The following NCAPH2 variants were observed in gnomAD, a reference collection of about 807,000 sequenced individuals.
NCAPH2 encodes the protein condensin-2 complex subunit H2.
Under a neutral mutation model 88.6 loss-of-function variants are expected in NCAPH2, and 56 were observed. The observed-to-expected ratio is 0.63, with a 90% CI of 0.51 to 0.79. The LOEUF (loss-of-function observed/expected upper bound fraction) is 0.79. NCAPH2 is among the 30% of genes least tolerant of loss of function. The pLI is 0.00. For synonymous variants in NCAPH2, 378 were observed against 313.6 expected (o/e 1.21, Z -2.17); for missense variants, 794 against 792.0 (o/e 1.00, Z -0.03).
chr22:50,522,971 A>G (rs962074800), intron 18 of NCAPH2, 46 bp from the exon 19 acceptor site: 2 of 1,610,578 alleles, frequency 1.2e-6, no homozygotes, highest in Admixed American at 1.7e-5. Flanking sequence ...GGGTCTGTCC[A>G]GGGCCTTGCC....
rs143986871 is a variant in NCAPH2, at chr22:50,522,231, C to G, written c.1213C>G (p.Arg405Gly). ...THVKEQLETL[R>G]KLQRREVAEQ... ...CGTGAAGGAGCAGTTGGAAACTCTC[C>G]GGAAGCTGCAGAGGAGGGAGGCAAG... The change falls in exon 14 of 20, where the codon CGG becomes GGG. Residue 405 changes from arginine to glycine, a missense_variant. Arg to Gly is a moderately radical substitution (Grantham distance 125). This residue lies in a region of NCAPH2 where 735 missense variants were observed against 696.3 expected (regional missense o/e 1.06). Coordinates refer to ENST00000420993, the MANE Select transcript of NCAPH2 (RefSeq NM_152299.4). The G allele has an allele frequency of 1.2e-6, 2 of 1,613,784 alleles. No individual in the cohort carries two copies. The highest frequency in any genetic ancestry group is 3.3e-4 in the Middle Eastern group (2 of 6,058).
At chr22:50,519,423 C>T (rs1159260218) in intron 9 of NCAPH2, 103 bp downstream of exon 9, 2 of 1,499,546 alleles carry the variant, frequency 1.3e-6, no homozygotes, top group African/African-American at 2.8e-5. Context: ...ATGGCCTTGG[C>T]CCCAGACCAC....
Position 50,522,326 on chromosome 22 carries a change from A to G in NCAPH2, c.1234-17A>G. The G allele has an allele frequency of 6.2e-7, 1 of 1,603,788 alleles. No individual in the cohort carries two copies. On this transcript the variant is annotated splice_polypyrimidine_tract_variant and intron_variant, in intron 14 of 19. Coordinates refer to ENST00000420993, the MANE Select transcript of NCAPH2 (RefSeq NM_152299.4). ...TGGGAGGTGACAGTGCCCCTCACAG[A>G]TGCTTTCTCTGGACAGGTGGCTGAG... is the stretch of plus-strand genomic sequence containing the variant.
intron 1 of NCAPH2, among the ~76,000 whole-genome samples, chr22:50,512,223 A>C (rs541228933): frequency 6.6e-6 from 1 of 152,350 alleles, no homozygotes; most frequent in African/African-American, 2.4e-5. Flanking sequence ...GTGGACGTTA[A>C]AGTGTTTGTT....
At position 50,524,606 on chromosome 22, in the gene NCAPH2, C is replaced by A. The variant is rs1046976328; in HGVS notation, c.*1231C>A. 10 of 716,750 alleles carry A rather than the reference C, an allele frequency of 1.4e-5. No homozygotes were observed. The highest frequency in any genetic ancestry group is 2.3e-5 in the Non-Finnish European group (9 of 386,564). 44.4% of individuals were successfully genotyped at this position (716,750 alleles called of 1,614,324 possible). Reference sequence around the variant, plus strand: ...CCTCCACCAAACATCCACACCTGGGCAACCACACCTGTCACTCCTGTCCTC... The same window carrying A: ...CCTCCACCAAACATCCACACCTGGGAAACCACACCTGTCACTCCTGTCCTC... On this transcript the variant is annotated 3_prime_UTR_variant, in exon 20 of 20. Coordinates refer to ENST00000420993, the MANE Select transcript of NCAPH2 (RefSeq NM_152299.4).
intron 9 of NCAPH2, 110 bp downstream of exon 9, chr22:50,519,430 CCACTGGTCTGGGG>C: frequency 1.3e-6 from 2 of 1,487,746 alleles, no homozygotes; most frequent in South Asian, 2.7e-5. Flanking sequence ...TGGCCCCAGA[CCACTGGTCTGGGG>C]CAGAAGCCCA....
chr22:50,523,521 T>G lies in NCAPH2; in HGVS notation c.*146T>G. ...TGTACACCTGCGCAGAGAAGAGGGCTGCCTGGCCTCCCTGGGCCGCTGGTA... is the reference window on the plus strand; with the variant it reads ...TGTACACCTGCGCAGAGAAGAGGGCGGCCTGGCCTCCCTGGGCCGCTGGTA... On this transcript the variant is annotated 3_prime_UTR_variant, in exon 20 of 20. Transcript: ENST00000420993. The G allele has an allele frequency of 4.5e-6, 7 of 1,558,554 alleles. No individual in the cohort carries two copies. Among genetic ancestry groups the G allele is most frequent in the Non-Finnish European group, 6.1e-6 (7 of 1,146,762 alleles).
In NCAPH2 at chr22:50,522,481, A is replaced by T; in HGVS notation, c.1307-20A>T. 1 of 1,612,950 alleles carries T rather than the reference A, an allele frequency of 6.2e-7. No homozygotes were observed. The highest frequency in any genetic ancestry group is 8.5e-7 in the Non-Finnish European group (1 of 1,179,824). Reference sequence around the variant, plus strand: ...CCGACTAGCTGCCTGCGTGCTGTTCACTCTCCCACCTCCCAGCAGATGACT... The same window carrying T: ...CCGACTAGCTGCCTGCGTGCTGTTCTCTCTCCCACCTCCCAGCAGATGACT... On this transcript the variant is annotated intron_variant, in intron 15 of 19. Transcript: ENST00000420993.
rs910583115 is a variant in NCAPH2, at chr22:50,511,285, C to CTTTTTTT, written c.108+2856_108+2862dup. ...TCAAGCAGTTCTCCTGCCTCAGCCTCTTTTTTTTTTTTTTTTTTTTTTGAG... is the reference window on the plus strand; with the variant it reads ...TCAAGCAGTTCTCCTGCCTCAGCCTCTTTTTTTTTTTTTTTTTTTTTTTTTTTTTGAG... On this transcript the variant is annotated intron_variant, in intron 1 of 19. Transcript: ENST00000420993. Among the ~76,000 whole-genome samples, 282 of 109,654 alleles carry CTTTTTTT rather than the reference C, an allele frequency of 2.6e-3. 56 individuals carry two copies. Among genetic ancestry groups the CTTTTTTT allele is most frequent in the African/African-American group, 0.014 (270 of 19,784 alleles). 71.9% of individuals were successfully genotyped at this position (109,654 alleles called of 152,430 possible).
intron 3 of NCAPH2, 44 bp from the exon 4 acceptor site, chr22:50,517,533 C>CCCTGCAGCT (rs1161954178): frequency 1.2e-6 from 2 of 1,613,876 alleles, no homozygotes; most frequent in Middle Eastern, 1.6e-4. Context: ...CCAGGGAGGC[C>CCCTGCAGCT]CCTGCAGCTC....
intron 10 of NCAPH2, 142 bp from the exon 11 acceptor site, chr22:50,521,401 C>T (rs78574168): frequency 2.3e-6 from 1 of 437,994 alleles, no homozygotes; most frequent in Admixed American, 3.6e-5. Flanking sequence ...GGTGGCTGTG[C>T]ACCCCCTACT....
At chr22:50,510,874 T>C (rs1273609058) in intron 1 of NCAPH2, among the ~76,000 whole-genome samples, 1 of 151,352 alleles carries the variant, frequency 6.6e-6, no homozygotes, top group Non-Finnish European at 1.5e-5. Flanking sequence ...TGAGATGGAG[T>C]CTTACTCTGT....
chr22:50,522,505 C>T lies in NCAPH2; in HGVS notation c.1311C>T (p.Asp437=), dbSNP rs1261141102. Residue 437 remains aspartate, a synonymous_variant, in exon 16 of 20, where the codon GAC becomes GAT. Transcript: ENST00000420993. ...CACTCTCCCACCTCCCAGCAGATGA[C>T]TTTCTAGAGCCTGAGGAGTACATGG... The part of the protein sequence containing the change: ...DSLEDLGAAD[D]FLEPEEYMEP... 1 of 1,613,662 alleles carries T rather than the reference C, an allele frequency of 6.2e-7. No homozygotes were observed. Among genetic ancestry groups the T allele is most frequent in the South Asian group, 1.1e-5 (1 of 91,078 alleles).
In NCAPH2 at chr22:50,519,299, G is replaced by A; in HGVS notation, c.840G>A (p.Lys280=). The A allele has an allele frequency of 6.2e-7, 1 of 1,607,672 alleles. No individual in the cohort carries two copies. The highest frequency in any genetic ancestry group is 1.7e-4 in the Middle Eastern group (1 of 5,864). Reference sequence around the variant, plus strand: ...CCCCCAAGGCCGCTCTGGAGCCCAAGGAGTCCAGGAGCCCGCAGCAGGTGG... The same window carrying A: ...CCCCCAAGGCCGCTCTGGAGCCCAAAGAGTCCAGGAGCCCGCAGCAGGTGG... ...ASAPKAALEP[K]ESRSPQQSAA... is the part of the protein sequence containing the mutation. The change falls in exon 9 of 20, where the codon AAG becomes AAA. Residue 280 remains lysine (K), a synonymous_variant. Transcript: ENST00000420993.
Position 50,508,354 on chromosome 22 carries a change from C to T in NCAPH2, c.17C>T (p.Ala6Val), listed in dbSNP as rs2068683020. 1.3e-6 allele frequency: 2 copies of T among 1,481,714 alleles called. No homozygotes were observed. Among genetic ancestry groups the T allele is most frequent in the Non-Finnish European group, 1.8e-6 (2 of 1,120,366 alleles). 91.8% of individuals were successfully genotyped at this position (1,481,714 alleles called of 1,614,324 possible). A position where few individuals can be genotyped will look rare whatever the true frequency, so the allele number is the denominator to read the frequency against. The change falls in exon 1 of 20, where the codon GCG (alanine) becomes GTG (valine). Residue 6 changes from alanine to valine, a missense_variant. Physicochemically the swap from Ala to Val is moderately conservative, Grantham distance 64. Coordinates refer to ENST00000420993, the MANE Select transcript of NCAPH2 (RefSeq NM_152299.4). ...CTCCCGGACATGGAGGACGTGGAGG[C>T]GCGCTTCGCCCACCTCTTGCAGCCC... Reference protein sequence around the residue: MEDVEARFAHLLQPIR... With the variant: MEDVEVRFAHLLQPIR...
chr22:50,512,544 T>G (rs1417212978), intron 1 of NCAPH2, among the ~76,000 whole-genome samples: 2 of 81,978 alleles, frequency 2.4e-5, no homozygotes, highest in Admixed American at 1.6e-4. Context: ...TTGTCCTTTG[T>G]TTTTTTTTTT....
chr22:50,524,347 A>C lies in NCAPH2; in HGVS notation c.*972A>C. On this transcript the variant is annotated 3_prime_UTR_variant, in exon 20 of 20. Coordinates refer to ENST00000420993, the MANE Select transcript of NCAPH2 (RefSeq NM_152299.4). ...GGCCTGGCCTCCCAGGGTCCCAGGG[A>C]GGACCCGAGGCTTGAGCTGAGAGAG... 1 of 1,601,902 alleles carries C rather than the reference A, an allele frequency of 6.2e-7. No homozygotes were observed. Among genetic ancestry groups the C allele is most frequent in the South Asian group, 1.1e-5 (1 of 91,068 alleles).
rs775173963 is a variant in NCAPH2, at chr22:50,523,900, C to G, written c.*525C>G. The stretch of plus-strand genomic sequence containing the variant: ...GCGGGCCATGGCTTCAACGTCGTCC[C>G]GCTCGGGGTCCACAGTGATGAAGAC... On this transcript the variant is annotated 3_prime_UTR_variant, in exon 20 of 20. Coordinates refer to ENST00000420993, the MANE Select transcript of NCAPH2 (RefSeq NM_152299.4). The G allele has an allele frequency of 6.2e-7, 1 of 1,613,800 alleles. No individual in the cohort carries two copies. Among genetic ancestry groups the G allele is most frequent in the East Asian group, 2.2e-5 (1 of 44,878 alleles).
chr22:50,519,224 G>A lies in NCAPH2; in HGVS notation c.765G>A (p.Gly255=). Residue 255 remains glycine (G), a synonymous_variant, in exon 9 of 20, where the codon GGG becomes GGA. Transcript: ENST00000420993. ...PSPEGPMPLG[G]GEDEDAEEAV... ...CAGAAGGCCCGATGCCCCTGGGTGG[G>A]GGCGAGGACGAGGATGCAGAGGAGG... 1.2e-6 allele frequency: 2 copies of A among 1,610,744 alleles called. No homozygotes were observed. Among genetic ancestry groups the A allele is most frequent in the Non-Finnish European group, 1.7e-6 (2 of 1,179,080 alleles).
Sources: gnomAD v4.1 joint callset for allele counts (sites outside exome capture counted in the v4.1 genomes callset) on GRCh38, gnomAD v4.1.1 for gene constraint, gnomAD v4.1.1 regional missense constraint, MANE v1.5 for transcripts, NCBI Gene and HGNC (gene_info 2026-07-23, HGNC 2026-07-21) for gene names.